The following BTC variants were observed in gnomAD, a reference collection of about 807,000 sequenced individuals.
The protein encoded by BTC is probetacellulin.
In BTC, 13 loss-of-function variants were observed where a neutral mutation model predicts 18.1. The ratio of observed to expected loss-of-function variants is 0.72; its 90% CI spans 0.47 to 1.14. The LOEUF (loss-of-function observed/expected upper bound fraction) is 1.14. Among genes scored for constraint, BTC ranks in the 50% most tolerant of loss-of-function variants. BTC has a pLI of 0.00. For synonymous variants in BTC, 83 were observed against 79.4 expected (o/e 1.05, Z -0.24); for missense variants, 247 against 224.2 (o/e 1.10, Z -0.65).
chr4:74,794,305 G>A lies in BTC; in HGVS notation c.21C>T (p.Cys7=), dbSNP rs750565213. 9 of 1,548,104 alleles carry A rather than the reference G, an allele frequency of 5.8e-6. No individual in the cohort carries two copies. Among genetic ancestry groups the A allele is most frequent in the African/African-American group, 2.7e-5 (2 of 73,014 alleles). Residue 7 remains cysteine (C), a synonymous_variant, in exon 1 of 6, where the codon TGC becomes TGT. Transcript: ENST00000395743. ...GCAGTGGCAGGGAGCTGGCGCCGCT[G>A]CACCGGGCGGCCCGGTCCATCAACC... MDRAAR[C]SGASSLPLLL...
At chr4:74,751,750 T>A (rs566565638) in intron 3 of BTC, among the ~76,000 whole-genome samples, 1 of 152,252 alleles carries the variant, frequency 6.6e-6, no homozygotes, top group African/African-American at 2.4e-5. Flanking sequence ...ACATAAAAAG[T>A]TTGGGGACAT....
At chr4:74,759,657 TAAAA>T (rs61506916) in intron 2 of BTC, among the ~76,000 whole-genome samples, 1 of 146,880 alleles carries the variant, frequency 6.8e-6, no homozygotes, top group African/African-American at 2.5e-5. Flanking sequence ...ACATTTAAGT[TAAAA>T]AAAAAAAAAG....
chr4:74,755,738 G>A (rs1724578766), intron 3 of BTC, 121 bp downstream of exon 3: 2 of 906,478 alleles, frequency 2.2e-6, no homozygotes, highest in Non-Finnish European at 3.4e-6. Context: ...CTGGGGGCAG[G>A]ACCAGGCAGA....
At chr4:74,769,999 T>A (rs1260838581) in intron 2 of BTC, 59 bp downstream of exon 2, 11 of 1,365,984 alleles carry the variant, frequency 8.1e-6, no homozygotes, top group Non-Finnish European at 1.1e-5. Flanking sequence ...GTATTATGAG[T>A]ACTATTATTA....
At chr4:74,752,610 A>C (rs1198900465) in intron 3 of BTC, among the ~76,000 whole-genome samples, 1 of 151,818 alleles carries the variant, frequency 6.6e-6, no homozygotes, top group African/African-American at 2.4e-5. Context: ...CAATCTCTTG[A>C]CCTCGTGATC....
At chr4:74,785,955 T>C (rs1725467935) in intron 1 of BTC, among the ~76,000 whole-genome samples, 1 of 152,198 alleles carries the variant, frequency 6.6e-6, no homozygotes, top group Non-Finnish European at 1.5e-5. Context: ...GTCTGGCACA[T>C]ATTACACAAC....
rs759475370 is a variant in BTC at position 74,794,253 on chromosome 4, G to T, written c.64+9C>A. 5.2e-6 allele frequency: 8 copies of T among 1,550,140 alleles called. No homozygotes were observed. The highest frequency in any genetic ancestry group is 7.0e-6 in the Non-Finnish European group (8 of 1,146,752). The stretch of plus-strand genomic sequence containing the variant: ...CTCCTGGTTTCCAGTGCCCAGCACG[G>T]CCACTTACCCAGGGCAAGGGCCAGG... On this transcript the variant is annotated intron_variant, in intron 1 of 5. Transcript: ENST00000395743.
In BTC at chr4:74,748,091, T is replaced by C. The variant is rs1267242592; in HGVS notation, c.487A>G (p.Lys163Glu). 4 of 1,610,978 alleles carry C rather than the reference T, an allele frequency of 2.5e-6. No individual in the cohort carries two copies. The highest frequency in any genetic ancestry group is 3.4e-6 in the Non-Finnish European group (4 of 1,178,988). The change falls in exon 5 of 6, where the codon AAA (lysine) becomes GAA (glutamate). Residue 163 changes from lysine (K) to glutamate (E), a missense_variant. Physicochemically the swap from Lys to Glu is moderately conservative, Grantham distance 56 (BLOSUM62 1). Coordinates refer to ENST00000395743, the MANE Select transcript of BTC (RefSeq NM_001729.4). ...TCTTCATTGATAGGAGTTATATCTT[T>C]ACCCAGAGTTTCCATTTCTTCTTCT... The part of the protein sequence containing the change: ...KKEEEMETLG[K>E]DITPINEDIE...
intron 2 of BTC, among the ~76,000 whole-genome samples, chr4:74,761,014 G>T: frequency 6.6e-6 from 1 of 152,088 alleles, no homozygotes; most frequent in African/African-American, 2.4e-5. Flanking sequence ...GATTACAGGC[G>T]TGAGCCAATG....
chr4:74,756,010 C>T, intron 2 of BTC, 34 bp from the exon 3 acceptor site: 1 of 1,476,712 alleles, frequency 6.8e-7, no homozygotes, highest in South Asian at 1.1e-5. Context: ...TAAATCAACT[C>T]TCTTTAAATA....
At chr4:74,780,567 G>A (rs1476210957) in intron 1 of BTC, among the ~76,000 whole-genome samples, 1 of 152,002 alleles carries the variant, frequency 6.6e-6, no homozygotes, top group Non-Finnish European at 1.5e-5. Flanking sequence ...ACTATCTCCC[G>A]ATGTAACAAT....
intron 2 of BTC, among the ~76,000 whole-genome samples, chr4:74,767,541 T>C (rs1724932185): frequency 6.6e-6 from 1 of 152,010 alleles, no homozygotes; most frequent in Non-Finnish European, 1.5e-5. Context: ...AAAATTCCAA[T>C]GACTTTTTTT....
chr4:74,769,101 C>T (rs1159896333), intron 2 of BTC, among the ~76,000 whole-genome samples: 2 of 152,138 alleles, frequency 1.3e-5, no homozygotes, highest in Non-Finnish European at 2.9e-5. Context: ...TCTGTTACAA[C>T]TTCCCGAGGG....
chr4:74,767,564 GA>G (rs1724933512), intron 2 of BTC, among the ~76,000 whole-genome samples: 1 of 151,518 alleles, frequency 6.6e-6, no homozygotes, highest in Non-Finnish European at 1.5e-5. Flanking sequence ...TACAGAAATG[GA>G]AAAACAAATT....
intron 1 of BTC, among the ~76,000 whole-genome samples, chr4:74,783,587 C>CTTTTTTT (rs71220728): frequency 2.4e-5 from 2 of 83,574 alleles, no homozygotes; most frequent in African/African-American, 9.0e-5. Context: ...CTATTCGGCT[C>CTTTTTTT]TTTTTTTTTT....
chr4:74,775,711 C>T (rs901100452), intron 1 of BTC, among the ~76,000 whole-genome samples: 18 of 152,234 alleles, frequency 1.2e-4, no homozygotes, highest in African/African-American at 4.3e-4. Context: ...ATAAATGTTT[C>T]TTCATATTGA....
intron 3 of BTC, among the ~76,000 whole-genome samples, chr4:74,754,258 T>C (rs781850860): frequency 7.2e-5 from 11 of 152,332 alleles, no homozygotes; most frequent in Non-Finnish European, 1.3e-4. Flanking sequence ...GGGGCACTAT[T>C]TGTTCAAGCA....
intron 1 of BTC, among the ~76,000 whole-genome samples, chr4:74,772,910 C>A (rs1017930161): frequency 6.6e-6 from 1 of 152,320 alleles, no homozygotes; most frequent in East Asian, 1.9e-4. Context: ...TCAAACATCC[C>A]CACAGGCTGG....
chr4:74,787,298 A>C (rs1226007865), intron 1 of BTC, among the ~76,000 whole-genome samples: 13 of 152,200 alleles, frequency 8.5e-5, no homozygotes, highest in Non-Finnish European at 1.9e-4. Context: ...GGTAAGTAAC[A>C]TACTACATAT....
Sources: gnomAD v4.1 joint callset for allele counts (sites outside exome capture counted in the v4.1 genomes callset) on GRCh38, gnomAD v4.1.1 for gene constraint, MANE v1.5 for transcripts, NCBI Gene and HGNC (gene_info 2026-07-23, HGNC 2026-07-21) for gene names.